The following IMMP2L variants were observed in gnomAD, a reference collection of about 807,000 sequenced individuals.
IMMP2L encodes mitochondrial inner membrane protease subunit 2.
In IMMP2L, 18 loss-of-function variants were observed where a neutral mutation model predicts 19.3. That is an observed-to-expected ratio of 0.93 (90% CI 0.64 to 1.38). IMMP2L has a LOEUF of 1.38. IMMP2L is among the 40% of genes most tolerant of loss of function. The pLI is 0.00. For missense variants in IMMP2L, 233 were observed against 218.2 expected (o/e 1.07, Z -0.43); for synonymous variants, 76 against 73.0 (o/e 1.04, Z -0.21).
intron 2 of IMMP2L, among the ~76,000 whole-genome samples, chr7:111,504,888 A>T (rs1270640445): frequency 1.6e-4 from 24 of 152,024 alleles, no homozygotes; most frequent in African/African-American, 4.3e-4. Flanking sequence ...AACCTAGGCA[A>T]TACCATTCAG....
chr7:110,973,675 G>C (rs56896134), intron 3 of IMMP2L, among the ~76,000 whole-genome samples: 4,353 of 152,048 alleles, frequency 0.029, 207 homozygotes, highest in African/African-American at 0.1. Context: ...ATGTGTGCCC[G>C]CCCACAAGTG....
chr7:110,850,132 A>G (rs1001130087), intron 5 of IMMP2L, among the ~76,000 whole-genome samples: 1 of 152,024 alleles, frequency 6.6e-6, no homozygotes, highest in Non-Finnish European at 1.5e-5. Flanking sequence ...ATAATCAGAA[A>G]ATAAATAAGA....
chr7:111,045,226 T>G (rs1792282625), intron 3 of IMMP2L, among the ~76,000 whole-genome samples: 1 of 152,180 alleles, frequency 6.6e-6, no homozygotes, highest in Non-Finnish European at 1.5e-5. Flanking sequence ...AAAGAAATCC[T>G]TGATTTTTTC....
intron 3 of IMMP2L, among the ~76,000 whole-genome samples, chr7:111,083,896 T>C (rs1796089766): frequency 6.6e-6 from 1 of 152,226 alleles, no homozygotes; most frequent in Non-Finnish European, 1.5e-5. Flanking sequence ...AGGAAAATCA[T>C]TTCTATTTTC....
At chr7:111,432,719 A>C (rs1050901141) in intron 3 of IMMP2L, among the ~76,000 whole-genome samples, 1 of 151,626 alleles carries the variant, frequency 6.6e-6, no homozygotes, top group Admixed American at 6.6e-5. Flanking sequence ...TCACTAGAGC[A>C]ATCAGGCAAG....
chr7:111,010,571 C>A lies in IMMP2L; in HGVS notation c.240-47006G>T, dbSNP rs139217041. Among the ~76,000 whole-genome samples the A allele has an allele frequency of 1.7e-3, 266 of 152,118 alleles. 1 individual carries two copies. Among genetic ancestry groups the A allele is most frequent in the African/African-American group, 5.3e-3 (218 of 41,512 alleles). On this transcript the variant is annotated intron_variant, in intron 3 of 5. Coordinates refer to ENST00000405709, the MANE Select transcript of IMMP2L (RefSeq NM_032549.4). ...CATTAGCATGCTTTTCTCAAAAAGC[C>A]TCTTACTACTGATCACAGTTTACGA... is the stretch of plus-strand genomic sequence containing the variant.
At chr7:110,793,921 T>G (rs1345546053) in intron 5 of IMMP2L, among the ~76,000 whole-genome samples, 1 of 152,120 alleles carries the variant, frequency 6.6e-6, no homozygotes, top group Non-Finnish European at 1.5e-5. Flanking sequence ...GTGTCCAACA[T>G]GATATGTCAT....
intron 5 of IMMP2L, among the ~76,000 whole-genome samples, chr7:110,686,766 C>A (rs1793144009): frequency 6.6e-6 from 1 of 152,002 alleles, no homozygotes; most frequent in African/African-American, 2.4e-5. Flanking sequence ...TTTCCTCTTC[C>A]CTGAACGAAC....
At chr7:110,949,841 G>A (rs937098115) in intron 4 of IMMP2L, among the ~76,000 whole-genome samples, 6 of 152,158 alleles carry the variant, frequency 3.9e-5, no homozygotes, top group Admixed American at 1.3e-4. Flanking sequence ...GATAGCATTT[G>A]AGTACTTCCA....
At chr7:111,310,798 A>G (rs957931410) in intron 3 of IMMP2L, among the ~76,000 whole-genome samples, 1 of 152,136 alleles carries the variant, frequency 6.6e-6, no homozygotes, top group Admixed American at 6.6e-5. Context: ...TGCAAGATCA[A>G]TAGCCGTATA....
intron 3 of IMMP2L, among the ~76,000 whole-genome samples, chr7:111,208,692 G>A (rs997468616): frequency 2.6e-5 from 4 of 152,150 alleles, no homozygotes; most frequent in Non-Finnish European, 5.9e-5. Flanking sequence ...GAGTACACAC[G>A]GATGGGAGGC....
intron 5 of IMMP2L, among the ~76,000 whole-genome samples, chr7:110,843,675 A>G (rs139218516): frequency 8.1e-4 from 124 of 152,304 alleles, no homozygotes; most frequent in African/African-American, 2.8e-3. Flanking sequence ...TAAATTACAC[A>G]TTGTAATAAA....
intron 3 of IMMP2L, among the ~76,000 whole-genome samples, chr7:111,328,849 ACAG>A (rs1170705648): frequency 1.3e-5 from 2 of 151,864 alleles, no homozygotes; most frequent in Non-Finnish European, 2.9e-5. Flanking sequence ...AGATAAAAAG[ACAG>A]CAGTCAATGA....
chr7:110,696,019 G>T (rs568096124), intron 5 of IMMP2L, among the ~76,000 whole-genome samples: 1 of 152,266 alleles, frequency 6.6e-6, no homozygotes, highest in East Asian at 1.9e-4. Context: ...AGAAGAAAGA[G>T]AAACCACTTT....
intron 5 of IMMP2L, among the ~76,000 whole-genome samples, chr7:110,693,120 G>T (rs1018961997): frequency 3.3e-5 from 5 of 152,130 alleles, no homozygotes; most frequent in African/African-American, 1.2e-4. Context: ...ATATAACAAA[G>T]AACTGAAGTT....
chr7:111,269,631 T>C (rs903715504), intron 3 of IMMP2L, among the ~76,000 whole-genome samples: 4 of 151,292 alleles, frequency 2.6e-5, no homozygotes, highest in African/African-American at 9.8e-5. Flanking sequence ...TTAATGGTAG[T>C]ATGTATTACA....
chr7:111,447,625 G>T (rs576242957), intron 3 of IMMP2L, among the ~76,000 whole-genome samples: 1 of 151,420 alleles, frequency 6.6e-6, no homozygotes, highest in Non-Finnish European at 1.5e-5. Context: ...AAAGACCATC[G>T]AGACTAGGAA....
At chr7:110,818,347 A>G (rs1219111609) in intron 5 of IMMP2L, among the ~76,000 whole-genome samples, 1 of 152,228 alleles carries the variant, frequency 6.6e-6, no homozygotes, top group Non-Finnish European at 1.5e-5. Context: ...TATGCAGCCA[A>G]CAGACACATG....
chr7:111,403,491 A>T (rs556628675), intron 3 of IMMP2L, among the ~76,000 whole-genome samples: 3 of 152,046 alleles, frequency 2.0e-5, no homozygotes, highest in African/African-American at 7.2e-5. Flanking sequence ...TCACTTTGTC[A>T]CCCAGGTTGG....
Sources: allele counts gnomAD v4.1 joint callset (sites outside exome capture counted in the v4.1 genomes callset), GRCh38; gene constraint gnomAD v4.1.1; transcripts MANE v1.5; gene names NCBI Gene and HGNC (gene_info 2026-07-23, HGNC 2026-07-21).